The following PGPEP1 variants were observed in gnomAD, a reference collection of about 807,000 sequenced individuals.
PGPEP1 encodes the protein pyroglutamyl-peptidase 1.
In PGPEP1, 15 loss-of-function variants were observed where a neutral mutation model predicts 24.1. The observed-to-expected ratio is 0.62, with a 90% CI of 0.42 to 0.96. PGPEP1 has a LOEUF of 0.96. Among genes scored for constraint, PGPEP1 ranks in the 40% least tolerant of loss-of-function variants. PGPEP1 has a pLI of 0.00. For synonymous variants in PGPEP1, 122 were observed against 116.4 expected (o/e 1.05, Z -0.31); for missense variants, 242 against 273.4 (o/e 0.89, Z 0.81).
At chr19:18,342,763 C>T in intron 1 of PGPEP1, 96 bp from the exon 2 acceptor site, 1 of 945,180 alleles carries the variant, frequency 1.1e-6, no homozygotes, top group South Asian at 1.4e-5. Context: ...CCCTGAAGCT[C>T]CTTTCTTGCT....
At position 18,369,828 on chromosome 19, in the gene PGPEP1, T is replaced by A. The variant is rs1454398004; in HGVS notation, c.*6245T>A. 1 of 152,226 alleles carries A rather than the reference T, an allele frequency of 6.6e-6. No individual in the cohort carries two copies. Among genetic ancestry groups the A allele is most frequent in the African/African-American group, 2.4e-5 (1 of 41,444 alleles). 9.4% of individuals were successfully genotyped at this position (152,226 alleles called of 1,614,324 possible). On this transcript the variant is annotated 3_prime_UTR_variant, in exon 5 of 5. Transcript: ENST00000269919. ...CTAGAACTTTTGCCAGTGCCTTTTC[T>A]GAAACTCCTGTGTCCCGGGCCCCCC... is the stretch of plus-strand genomic sequence containing the variant.
Position 18,366,341 on chromosome 19 carries a change from A to G in PGPEP1, c.*2758A>G, listed in dbSNP as rs1971547941. 6.6e-6 allele frequency: 1 copy of G among 151,956 alleles called. No individual in the cohort carries two copies. Among genetic ancestry groups the G allele is most frequent in the South Asian group, 2.1e-4 (1 of 4,828 alleles). 9.4% of individuals were successfully genotyped at this position (151,956 alleles called of 1,614,324 possible). A position where few individuals can be genotyped will look rare whatever the true frequency, so the allele number is the denominator to read the frequency against. On this transcript the variant is annotated 3_prime_UTR_variant, in exon 5 of 5. Transcript: ENST00000269919. ...TAGAGATATAACCTATTGTCTGCTCATTGTCACGTGTGTGTGTGTCATCTT... is the reference window on the plus strand; with the variant it reads ...TAGAGATATAACCTATTGTCTGCTCGTTGTCACGTGTGTGTGTGTCATCTT...
intron 2 of PGPEP1, among the ~76,000 whole-genome samples, chr19:18,346,902 A>G (rs567049858): frequency 2.0e-5 from 3 of 151,458 alleles, no homozygotes; most frequent in Admixed American, 2.0e-4. Context: ...GGCCTCCCAA[A>G]GTGCTGGGAT....
chr19:18,356,278 C>CA (rs1373503659), intron 3 of PGPEP1, among the ~76,000 whole-genome samples: 1 of 150,960 alleles, frequency 6.6e-6, no homozygotes, highest in East Asian at 2.0e-4. Flanking sequence ...ACTAAAAATA[C>CA]AAAAAATTAG....
chr19:18,354,889 C>T (rs983657573), intron 2 of PGPEP1, among the ~76,000 whole-genome samples: 1 of 150,954 alleles, frequency 6.6e-6, no homozygotes, highest in Admixed American at 6.6e-5. Flanking sequence ...ATATGCCAGA[C>T]ATGGTGCTTA....
intron 4 of PGPEP1, among the ~76,000 whole-genome samples, chr19:18,362,763 A>C (rs1349042543): frequency 1.3e-5 from 2 of 149,334 alleles, no homozygotes; most frequent in African/African-American, 4.9e-5. Flanking sequence ...GTGGTGGTGC[A>C]CACCTGTAGT....
intron 3 of PGPEP1, among the ~76,000 whole-genome samples, chr19:18,356,460 A>G (rs1971188889): frequency 7.2e-6 from 1 of 139,104 alleles, no homozygotes; most frequent in Non-Finnish European, 1.6e-5. Context: ...CCAAAGGGCT[A>G]TCCAGGCCAA....
At position 18,363,898 on chromosome 19, in the gene PGPEP1, T is replaced by G; in HGVS notation, c.*315T>G. 2 of 260,596 alleles carry G rather than the reference T, an allele frequency of 7.7e-6. No homozygotes were observed. Among genetic ancestry groups the G allele is most frequent in the East Asian group, 7.9e-5 (1 of 12,580 alleles). 16.1% of individuals were successfully genotyped at this position (260,596 alleles called of 1,614,324 possible). On this transcript the variant is annotated 3_prime_UTR_variant, in exon 5 of 5. Transcript: ENST00000269919. ...GGTCTGGTGAATCCATGAGCTGCGA[T>G]ACCACGGCTGGGGCCATATGTTCAC...
chr19:18,345,521 G>A (rs1029207653), intron 2 of PGPEP1, among the ~76,000 whole-genome samples: 1 of 151,058 alleles, frequency 6.6e-6, no homozygotes, highest in Non-Finnish European at 1.5e-5. Context: ...CAAGGAGTTC[G>A]AGACTATCCT....
rs558997484 is a variant in PGPEP1, at chr19:18,367,824, A to C, written c.*4241A>C. 9.8e-5 allele frequency: 15 copies of C among 152,352 alleles called. No individual in the cohort carries two copies. The highest frequency in any genetic ancestry group is 8.5e-4 in the Admixed American group (13 of 15,274). The allele number at this position is 152,352 out of a possible 1,614,324, so 9.4% of individuals were successfully genotyped here. On this transcript the variant is annotated 3_prime_UTR_variant, in exon 5 of 5. Coordinates refer to ENST00000269919, the MANE Select transcript of PGPEP1 (RefSeq NM_017712.4). ...GTGTGAAGGAAATGTCCCAGATGGC[A>C]GTAGTTTCTCGGCAAGGAGGGGAAT...
At chr19:18,358,649 C>T (rs1039653731) in intron 4 of PGPEP1, among the ~76,000 whole-genome samples, 74 of 151,808 alleles carry the variant, frequency 4.9e-4, no homozygotes, top group Non-Finnish European at 2.9e-5. Flanking sequence ...GAGTTTTGCT[C>T]TTGTTGCCCA....
chr19:18,352,027 T>A (rs1971041207), intron 2 of PGPEP1, among the ~76,000 whole-genome samples: 1 of 151,680 alleles, frequency 6.6e-6, no homozygotes, highest in South Asian at 2.1e-4. Flanking sequence ...ATCCCAGCAC[T>A]TTGGGAGGCC....
rs549383108 is a variant in PGPEP1 at position 18,349,015 on chromosome 19, G to A, written c.87+6104G>A. 9.3e-4 allele frequency: 638 copies of A among 687,162 alleles called. 1 individual carries two copies. The highest frequency in any genetic ancestry group is 1.2e-3 in the South Asian group (19 of 15,566). 42.6% of individuals were successfully genotyped at this position (687,162 alleles called of 1,614,324 possible). A position where few individuals can be genotyped will look rare whatever the true frequency, so the allele number is the denominator to read the frequency against. On this transcript the variant is annotated intron_variant, in intron 2 of 4. Transcript: ENST00000269919. ...CGGGCTCAAATGATCCTTCCACCTC[G>A]GCCTCCCAAAGAAGCTGGGATTATA...
chr19:18,364,865 C>A lies in PGPEP1; in HGVS notation c.*1282C>A, dbSNP rs4072287. The A allele has an allele frequency of 0.56, 83,939 of 149,192 alleles. 25,336 individuals carry two copies. The highest frequency in any genetic ancestry group is 0.76 in the Middle Eastern group (222 of 294). 9.2% of individuals were successfully genotyped at this position (149,192 alleles called of 1,614,324 possible). A position where few individuals can be genotyped will look rare whatever the true frequency, so the allele number is the denominator to read the frequency against. On this transcript the variant is annotated 3_prime_UTR_variant, in exon 5 of 5. Coordinates refer to ENST00000269919, the MANE Select transcript of PGPEP1 (RefSeq NM_017712.4). ...ATGTAAAACTCCACATCAGCGGAAA[C>A]CCCCCCCTACTTCTGGCCTGGAGCT...
chr19:18,350,796 A>G (rs981353023), intron 2 of PGPEP1, among the ~76,000 whole-genome samples: 2 of 152,192 alleles, frequency 1.3e-5, no homozygotes, highest in Non-Finnish European at 2.9e-5. Context: ...ACAGTGGCTC[A>G]TGCCTGTCAT....
At chr19:18,360,627 C>A (rs1012121342) in intron 4 of PGPEP1, among the ~76,000 whole-genome samples, 1 of 151,730 alleles carries the variant, frequency 6.6e-6, no homozygotes, top group Non-Finnish European at 1.5e-5. Flanking sequence ...CGGGTTCAAG[C>A]GATTCTCCTG....
rs1288745637 is a variant in PGPEP1, at chr19:18,363,504, C to G, written c.551C>G (p.Ala184Gly). The G allele has an allele frequency of 6.2e-7, 1 of 1,614,056 alleles. No individual in the cohort carries two copies. The highest frequency in any genetic ancestry group is 8.5e-7 in the Non-Finnish European group (1 of 1,180,020). ...TACAACGCGGACCAGCTGGGCAGGG[C>G]ACTGAGAGCCATCATTGAGGAGATG... Reference protein sequence around the residue: ...KPYNADQLGRALRAIIEEMLD... With the variant: ...KPYNADQLGRGLRAIIEEMLD... Residue 184 changes from alanine to glycine, a missense_variant, in exon 5 of 5, where the codon GCA (alanine) becomes GGA (glycine). Physicochemically the swap from Ala to Gly is moderately conservative, Grantham distance 60. Coordinates refer to ENST00000269919, the MANE Select transcript of PGPEP1 (RefSeq NM_017712.4).
intron 4 of PGPEP1, among the ~76,000 whole-genome samples, chr19:18,359,298 T>C (rs930981142): frequency 6.6e-6 from 1 of 152,036 alleles, no homozygotes; most frequent in Non-Finnish European, 1.5e-5. Flanking sequence ...ATGGCTCCCA[T>C]TGCACATAGA....
intron 4 of PGPEP1, chr19:18,358,162 C>A (rs1321031647): frequency 6.1e-6 from 1 of 163,128 alleles, no homozygotes; most frequent in African/African-American, 2.4e-5. Flanking sequence ...CCCCTATCCT[C>A]ACATCACTTT....
Sources: allele counts gnomAD v4.1 joint callset (sites outside exome capture counted in the v4.1 genomes callset), GRCh38; gene constraint gnomAD v4.1.1; transcripts MANE v1.5; gene names NCBI Gene and HGNC (gene_info 2026-07-23, HGNC 2026-07-21).